Variants in SCFD2 observed in about 807,000 individuals in gnomAD.
SCFD2 encodes the protein sec1 family domain containing 2.
Under a neutral mutation model 58.9 loss-of-function variants are expected in SCFD2, and 54 were observed. The observed-to-expected ratio is 0.92, with a 90% CI of 0.74 to 1.15. The LOEUF is 1.15. Ranked by LOEUF, SCFD2 falls within the 50% of genes most tolerant of loss-of-function variation. The probability of loss-of-function intolerance (pLI) is 0.00; values close to 1 mark genes in which losing one functional copy is unlikely to be tolerated. For synonymous variants in SCFD2, 321 were observed against 335.9 expected (o/e 0.96, Z 0.49); for missense variants, 805 against 836.6 (o/e 0.96, Z 0.47).
intron 2 of SCFD2, among the ~76,000 whole-genome samples, chr4:53,330,726 A>C (rs1448162459): frequency 6.6e-6 from 1 of 152,148 alleles, no homozygotes; most frequent in Non-Finnish European, 1.5e-5. Context: ...TAATGACAGG[A>C]TCAAATTCAC....
chr4:53,009,265 A>G (rs1353862795), intron 5 of SCFD2, among the ~76,000 whole-genome samples: 1 of 152,198 alleles, frequency 6.6e-6, no homozygotes, highest in East Asian at 1.9e-4. Context: ...ATAATCTTAG[A>G]GTCCTATCTT....
chr4:52,969,152 C>A (rs1721034540), intron 5 of SCFD2, among the ~76,000 whole-genome samples: 1 of 152,068 alleles, frequency 6.6e-6, no homozygotes. Flanking sequence ...AATTTTCCAT[C>A]CACTGACTCC....
Position 53,030,732 on chromosome 4 carries a change from T to C in SCFD2, c.1562-109862A>G, listed in dbSNP as rs1359448859. 2.6e-5 allele frequency among the ~76,000 whole-genome samples: 4 copies of C among 152,152 alleles called. No individual in the cohort carries two copies. The East Asian group carries it at 7.7e-4, about 29-fold the overall frequency. On this transcript the variant is annotated intron_variant, in intron 5 of 8. Coordinates refer to ENST00000401642, the MANE Select transcript of SCFD2 (RefSeq NM_152540.4). ...CCACCACACCCGGCCAATCTAGCAGTTTTTATGAAGATAAACACATACTTA... is the reference window on the plus strand; with the variant it reads ...CCACCACACCCGGCCAATCTAGCAGCTTTTATGAAGATAAACACATACTTA...
chr4:53,202,260 C>A (rs1577835444), intron 4 of SCFD2, among the ~76,000 whole-genome samples: 1 of 152,186 alleles, frequency 6.6e-6, no homozygotes, highest in South Asian at 2.1e-4. Context: ...CCAGTTTTCC[C>A]AGCACCATTT....
intron 5 of SCFD2, among the ~76,000 whole-genome samples, chr4:52,992,807 G>T (rs1721649730): frequency 6.6e-6 from 1 of 151,624 alleles, no homozygotes; most frequent in Admixed American, 6.6e-5. Flanking sequence ...GCCCCGTCCG[G>T]GAGGGAGGTG....
chr4:52,973,407 T>C (rs571301293), intron 5 of SCFD2, among the ~76,000 whole-genome samples: 25 of 152,306 alleles, frequency 1.6e-4, no homozygotes, highest in African/African-American at 6.0e-4. Flanking sequence ...GCAAATAAAC[T>C]AGAAAATCTA....
At chr4:53,180,002 G>A (rs749863356) in intron 4 of SCFD2, among the ~76,000 whole-genome samples, 69 of 152,066 alleles carry the variant, frequency 4.5e-4, no homozygotes, top group Non-Finnish European at 7.5e-4. Context: ...TTCATAAAGC[G>A]AGTCCTTAGT....
At chr4:53,237,669 C>T (rs1418001870) in intron 4 of SCFD2, among the ~76,000 whole-genome samples, 122 of 103,102 alleles carry the variant, frequency 1.2e-3, no homozygotes, top group Admixed American at 2.5e-3. Flanking sequence ...CCCTCCCGGA[C>T]GGGGCGGCTG....
intron 5 of SCFD2, among the ~76,000 whole-genome samples, chr4:53,109,935 A>G (rs1305035372): frequency 1.3e-5 from 2 of 152,076 alleles, no homozygotes; most frequent in African/African-American, 2.4e-5. Context: ...AAAAAAATAA[A>G]TAAATAAATC....
At chr4:53,047,539 T>C (rs1227844873) in intron 5 of SCFD2, among the ~76,000 whole-genome samples, 2 of 152,194 alleles carry the variant, frequency 1.3e-5, no homozygotes, top group Admixed American at 6.5e-5. Context: ...TAACTATCTG[T>C]TCCTCATGAT....
intron 5 of SCFD2, among the ~76,000 whole-genome samples, chr4:53,035,884 T>C (rs182579293): frequency 2.9e-3 from 435 of 152,160 alleles, no homozygotes; most frequent in Non-Finnish European, 4.6e-3. Context: ...GCTGGGAGTG[T>C]AAATTAGTTC....
intron 4 of SCFD2, chr4:53,265,691 G>C (rs1480391445): frequency 6.6e-6 from 1 of 152,062 alleles, no homozygotes; most frequent in Non-Finnish European, 1.5e-5. Flanking sequence ...CATTGTTATA[G>C]TTTTATAATA....
intron 5 of SCFD2, among the ~76,000 whole-genome samples, chr4:53,098,399 T>C (rs1448375580): frequency 6.6e-6 from 1 of 152,222 alleles, no homozygotes; most frequent in Non-Finnish European, 1.5e-5. Flanking sequence ...TCGGAGCATG[T>C]TATTGGTCTA....
At chr4:52,917,167 C>T (rs1424557930) in intron 6 of SCFD2, among the ~76,000 whole-genome samples, 2 of 152,066 alleles carry the variant, frequency 1.3e-5, no homozygotes, top group Non-Finnish European at 2.9e-5. Context: ...TCAGCCTCCC[C>T]AGTAGCTGGG....
At chr4:52,921,660 CCT>C (rs1719739115) in intron 5 of SCFD2, among the ~76,000 whole-genome samples, 1 of 152,160 alleles carries the variant, frequency 6.6e-6, no homozygotes, top group Admixed American at 6.5e-5. Flanking sequence ...AAGTAACACC[CCT>C]GTGTCAAGGA....
chr4:53,136,952 A>T (rs544128091), intron 5 of SCFD2, among the ~76,000 whole-genome samples: 2 of 152,352 alleles, frequency 1.3e-5, no homozygotes, highest in South Asian at 4.1e-4. Flanking sequence ...AAAAATTTTA[A>T]TATTATAACT....
At chr4:53,216,609 A>T (rs1424750275) in intron 4 of SCFD2, among the ~76,000 whole-genome samples, 2 of 119,854 alleles carry the variant, frequency 1.7e-5, no homozygotes, top group Admixed American at 1.9e-4. Context: ...TCCTGGATTC[A>T]TTGATTTTTT....
chr4:53,191,675 G>A (rs867533854), intron 4 of SCFD2, among the ~76,000 whole-genome samples: 2 of 152,178 alleles, frequency 1.3e-5, no homozygotes, highest in African/African-American at 4.8e-5. Context: ...AAAGTGCTGG[G>A]ATTATAGGCG....
At chr4:53,354,365 C>G (rs547892949) in intron 1 of SCFD2, among the ~76,000 whole-genome samples, 1 of 152,044 alleles carries the variant, frequency 6.6e-6, no homozygotes, top group South Asian at 2.1e-4. Flanking sequence ...GCCGGCCACT[C>G]CAAGTGTGGG....
Sources: gnomAD v4.1 joint callset for allele counts (sites outside exome capture counted in the v4.1 genomes callset) on GRCh38, gnomAD v4.1.1 for gene constraint, MANE v1.5 for transcripts, NCBI Gene and HGNC (gene_info 2026-07-23, HGNC 2026-07-21) for gene names.